CHMP2B: variants seen among roughly 807,000 people sequenced by gnomAD.
CHMP2B encodes the protein VPS2 homolog B.
Under a neutral mutation model 29.8 loss-of-function variants are expected in CHMP2B, and 22 were observed. That is an observed-to-expected ratio of 0.74 (90% CI 0.53 to 1.05). The LOEUF (loss-of-function observed/expected upper bound fraction) is 1.05, where lower values mean the gene tolerates loss of function less well. Ranked by LOEUF, CHMP2B falls within the 50% of genes least tolerant of loss-of-function variation. The pLI, the probability that CHMP2B is intolerant of heterozygous loss-of-function variation, is 0.00. For synonymous variants in CHMP2B, 78 were observed against 75.8 expected, an observed-to-expected ratio of 1.03 and a Z score of -0.15; for missense variants, 261 against 252.2, an observed-to-expected ratio of 1.03 and a Z score of -0.24.
At chr3:87,233,026 TGGCTTG>T (rs1402033899) in intron 1 of CHMP2B, among the ~76,000 whole-genome samples, 1 of 152,212 alleles carries the variant, frequency 6.6e-6, no homozygotes, top group Non-Finnish European at 1.5e-5. Flanking sequence ...CTGTAGGGCT[TGGCTTG>T]ACTCCCCAAT....
chr3:87,244,092 G>T (rs1267420618), intron 2 of CHMP2B, among the ~76,000 whole-genome samples: 2 of 149,216 alleles, frequency 1.3e-5, no homozygotes, highest in Non-Finnish European at 3.0e-5. Flanking sequence ...CTGTCACCAG[G>T]CTGGAGTGCG....
At chr3:87,248,463 TCTC>T (rs1706255929) in intron 3 of CHMP2B, among the ~76,000 whole-genome samples, 1 of 151,700 alleles carries the variant, frequency 6.6e-6, no homozygotes, top group Non-Finnish European at 1.5e-5. Context: ...TTCAAGTGAT[TCTC>T]CTGCCACAGC....
At chr3:87,247,785 C>A (rs1392108438) in intron 3 of CHMP2B, among the ~76,000 whole-genome samples, 2 of 152,176 alleles carry the variant, frequency 1.3e-5, no homozygotes, top group Non-Finnish European at 2.9e-5. Context: ...GGAATAAATT[C>A]AATCTTTGAT....
chr3:87,244,444 T>C (rs908242862), intron 2 of CHMP2B, among the ~76,000 whole-genome samples: 11 of 152,260 alleles, frequency 7.2e-5, no homozygotes, highest in African/African-American at 2.6e-4. Context: ...TATGAAGTAT[T>C]CATTTTTTTT....
chr3:87,253,150 A>T (rs1191056669), intron 4 of CHMP2B: 1 of 374,340 alleles, frequency 2.7e-6, no homozygotes, highest in Non-Finnish European at 4.9e-6. Context: ...GTCTATTAGA[A>T]TTAATTTTTT....
At chr3:87,237,929 C>T (rs1009806737) in intron 1 of CHMP2B, among the ~76,000 whole-genome samples, 1 of 152,060 alleles carries the variant, frequency 6.6e-6, no homozygotes, top group Non-Finnish European at 1.5e-5. Context: ...GTTTCATATT[C>T]CTGTATTTCA....
chr3:87,242,011 C>T (rs531217019), intron 2 of CHMP2B, among the ~76,000 whole-genome samples: 13 of 152,150 alleles, frequency 8.5e-5, no homozygotes, highest in African/African-American at 2.9e-4. Flanking sequence ...GTGTATAGTA[C>T]GTTGTCATTT....
Position 87,254,288 on chromosome 3 carries a change from T to A in CHMP2B, c.*466T>A, listed in dbSNP as rs189471374. ...CCATAGGTGGTTACAGCTGCCAAATTATTTTTAAATGGTCAAAAAGAAGAG... is the reference window on the plus strand; with the variant it reads ...CCATAGGTGGTTACAGCTGCCAAATAATTTTTAAATGGTCAAAAAGAAGAG... On this transcript the variant is annotated 3_prime_UTR_variant, in exon 6 of 6. Coordinates refer to ENST00000263780, the MANE Select transcript of CHMP2B (RefSeq NM_014043.4). 6.5e-6 allele frequency: 1 copy of A among 155,014 alleles called. No homozygotes were observed. 9.6% of individuals were successfully genotyped at this position (155,014 alleles called of 1,614,324 possible). A position where few individuals can be genotyped will look rare whatever the true frequency, so the allele number is the denominator to read the frequency against.
intron 3 of CHMP2B, among the ~76,000 whole-genome samples, chr3:87,247,297 A>C (rs573533208): frequency 6.6e-6 from 1 of 152,282 alleles, no homozygotes; most frequent in East Asian, 1.9e-4. Flanking sequence ...GCTCATATTG[A>C]GCTTATGACT....
Position 87,229,922 on chromosome 3 carries a change from A to G in CHMP2B, c.34+2366A>G, listed in dbSNP as rs145829019. ...AGTTATGTTTAATTCATTTTGACAC[A>G]AAGATGAACAAGTCTCTGCGGTGTA... On this transcript the variant is annotated intron_variant, in intron 1 of 5. Coordinates refer to ENST00000263780, the MANE Select transcript of CHMP2B (RefSeq NM_014043.4). Among the ~76,000 whole-genome samples, 1,447 of 152,310 alleles carry G rather than the reference A, an allele frequency of 9.5e-3. 12 individuals are homozygous for G. Among genetic ancestry groups the G allele is most frequent in the Non-Finnish European group, 0.016 (1,083 of 67,992 alleles).
chr3:87,233,697 C>G (rs1705946240), intron 1 of CHMP2B, among the ~76,000 whole-genome samples: 1 of 152,092 alleles, frequency 6.6e-6, no homozygotes, highest in African/African-American at 2.4e-5. Flanking sequence ...TAGAAGCTAC[C>G]TCTTCCCTGG....
In CHMP2B at chr3:87,227,322, C is replaced by A; in HGVS notation, c.-201C>A. On this transcript the variant is annotated 5_prime_UTR_variant, in exon 1 of 6. Coordinates refer to ENST00000263780, the MANE Select transcript of CHMP2B (RefSeq NM_014043.4). ...TCCAAAAAGTGTGTTAGTTCCCGGT[C>A]ACCTGAGCTCCGGGTGACGCGGCTG... The A allele has an allele frequency of 1.6e-6, 1 of 622,212 alleles. No homozygotes were observed. The highest frequency in any genetic ancestry group is 2.9e-6 in the Non-Finnish European group (1 of 348,038). The allele number at this position is 622,212 out of a possible 1,614,324, so 38.5% of individuals were successfully genotyped here.
At chr3:87,249,759 C>T (rs192369817) in intron 3 of CHMP2B, 116 bp from the exon 4 acceptor site, 7 of 618,676 alleles carry the variant, frequency 1.1e-5, no homozygotes, top group Non-Finnish European at 2.0e-5. Flanking sequence ...TTGATTACGG[C>T]AGGATGGATA....
intron 3 of CHMP2B, among the ~76,000 whole-genome samples, chr3:87,249,535 T>C (rs1349573300): frequency 1.3e-5 from 2 of 151,906 alleles, no homozygotes; most frequent in Non-Finnish European, 2.9e-5. Flanking sequence ...AATTTAAAAA[T>C]TTATTGACAT....
At chr3:87,243,942 T>A (rs967198293) in intron 2 of CHMP2B, among the ~76,000 whole-genome samples, 1 of 151,886 alleles carries the variant, frequency 6.6e-6, no homozygotes, top group African/African-American at 2.4e-5. Flanking sequence ...ATCTCTTATT[T>A]AAAAAAAGAA....
At chr3:87,242,726 T>C (rs1706140609) in intron 2 of CHMP2B, among the ~76,000 whole-genome samples, 1 of 152,142 alleles carries the variant, frequency 6.6e-6, no homozygotes, top group South Asian at 2.1e-4. Context: ...CACTTTCCCT[T>C]GTCGTCTTTG....
intron 2 of CHMP2B, among the ~76,000 whole-genome samples, chr3:87,244,343 T>C (rs1021412384): frequency 6.6e-6 from 1 of 151,808 alleles, no homozygotes; most frequent in African/African-American, 2.4e-5. Context: ...AGATTTTTCT[T>C]TCCTAGTTTA....
chr3:87,253,800 T>C lies in CHMP2B; in HGVS notation c.620T>C (p.Leu207Pro), dbSNP rs1393878962. 3.1e-6 allele frequency: 5 copies of C among 1,611,962 alleles called. No individual in the cohort carries two copies. Among genetic ancestry groups the C allele is most frequent in the Non-Finnish European group, 4.2e-6 (5 of 1,178,406 alleles). The change falls in exon 6 of 6, where the codon CTC (leucine) becomes CCC (proline). Residue 207 changes from leucine (L) to proline (P), a missense_variant. By Grantham distance (98) the Leu-to-Pro change is moderately conservative. Coordinates refer to ENST00000263780, the MANE Select transcript of CHMP2B (RefSeq NM_014043.4). ...TCAGATGAAGAGATTGAACGGCAAC[T>C]CAAGGCTTTAGGAGTAGATTAGTCA... ...TISDEEIERQ[L>P]KALGVD
chr3:87,240,970 G>A (rs1706107500), intron 2 of CHMP2B, among the ~76,000 whole-genome samples, 180 bp downstream of exon 2: 2 of 152,106 alleles, frequency 1.3e-5, no homozygotes, highest in Non-Finnish European at 2.9e-5. Context: ...TCATTCTGCT[G>A]ACTTTTATTG....
Sources: allele counts gnomAD v4.1 joint callset (sites outside exome capture counted in the v4.1 genomes callset), GRCh38; gene constraint gnomAD v4.1.1; transcripts MANE v1.5; gene names NCBI Gene and HGNC (gene_info 2026-07-23, HGNC 2026-07-21).